Variants in JAZF1 observed in about 807,000 individuals in gnomAD.
The protein encoded by JAZF1 is JAZF zinc finger 1, also known as juxtaposed with another zinc finger protein 1.
JAZF1 carries 8 observed loss-of-function variants against 26.4 expected under a neutral mutation model. The ratio of observed to expected loss-of-function variants is 0.30; its 90% CI spans 0.18 to 0.55. The LOEUF is 0.55. Among genes scored for constraint, JAZF1 ranks in the 20% least tolerant of loss-of-function variants. JAZF1 has a pLI of 0.94. For synonymous variants in JAZF1, 126 were observed against 122.3 expected (o/e 1.03, Z -0.20); for missense variants, 199 against 322.0 (o/e 0.62, Z 2.92).
chr7:27,899,672 C>G (rs546118150), intron 2 of JAZF1, among the ~76,000 whole-genome samples: 2 of 152,110 alleles, frequency 1.3e-5, no homozygotes, highest in African/African-American at 4.8e-5. Context: ...TGGGCTCAAG[C>G]AATCCTCCCA....
intron 3 of JAZF1, among the ~76,000 whole-genome samples, chr7:27,889,075 T>C (rs1470871414): frequency 1.3e-5 from 2 of 152,158 alleles, no homozygotes; most frequent in African/African-American, 4.8e-5. Context: ...GATACTACAA[T>C]GAGATGGGCC....
At chr7:27,845,714 A>AAGAAC in intron 3 of JAZF1, among the ~76,000 whole-genome samples, 1 of 147,006 alleles carries the variant, frequency 6.8e-6, no homozygotes, top group Non-Finnish European at 1.5e-5. Flanking sequence ...AAAAAAAAAA[A>AAGAAC]GAAAAGAAAA....
chr7:28,110,514 GA>G lies in JAZF1; in HGVS notation c.115+69948del, dbSNP rs35529454. On this transcript the variant is annotated intron_variant, in intron 1 of 4. Transcript: ENST00000283928. ...AAAGGAAAGGAAAGGAAAAGGAAAG[GA>G]AAAGGAAAAGGAAAAGGAAAGGAAA... 1.0e-3 allele frequency among the ~76,000 whole-genome samples: 68 copies of G among 65,954 alleles called. 4 individuals are homozygous for G. The highest frequency in any genetic ancestry group is 4.5e-3 in the African/African-American group (58 of 12,748). 43.3% of individuals were successfully genotyped at this position (65,954 alleles called of 152,430 possible). A position where few individuals can be genotyped will look rare whatever the true frequency, so the allele number is the denominator to read the frequency against.
rs528785583 is a variant in JAZF1, at chr7:27,973,527, G to A, written c.188+18382C>T. ...TTGCCAAGGCTTGCCTCAAACTCCC[G>A]CGCTCAAGTGATCCTCCTGCCTTGG... On this transcript the variant is annotated intron_variant, in intron 2 of 4. Transcript: ENST00000283928. Among the ~76,000 whole-genome samples the A allele has an allele frequency of 2.6e-5, 4 of 152,244 alleles. No homozygotes were observed. In the South Asian group the frequency reaches 6.2e-4, roughly 24 times the overall value.
chr7:28,166,683 T>G (rs1783373275), intron 1 of JAZF1, among the ~76,000 whole-genome samples: 1 of 152,362 alleles, frequency 6.6e-6, no homozygotes, highest in Non-Finnish European at 1.5e-5. Context: ...AACATGGAAG[T>G]ATTTTTCTAA....
intron 1 of JAZF1, among the ~76,000 whole-genome samples, chr7:28,096,678 A>G (rs1388372800): frequency 1.3e-5 from 2 of 152,142 alleles, no homozygotes; most frequent in African/African-American, 4.8e-5. Context: ...CTATTTTTTA[A>G]CTTTTTCATT....
At chr7:28,139,417 T>C (rs955445280) in intron 1 of JAZF1, among the ~76,000 whole-genome samples, 1 of 152,308 alleles carries the variant, frequency 6.6e-6, no homozygotes, top group Admixed American at 6.5e-5. Context: ...TTAAGATGAG[T>C]CATTAGGATG....
chr7:28,166,599 T>C (rs973625354), intron 1 of JAZF1, among the ~76,000 whole-genome samples: 1 of 152,260 alleles, frequency 6.6e-6, no homozygotes, highest in East Asian at 1.9e-4. Flanking sequence ...TTATGTTTTC[T>C]GCTTATATAG....
At chr7:28,025,932 A>G (rs1783086345) in intron 1 of JAZF1, among the ~76,000 whole-genome samples, 1 of 152,224 alleles carries the variant, frequency 6.6e-6, no homozygotes, top group South Asian at 2.1e-4. Flanking sequence ...AGGGTAGGTT[A>G]TATGTCAATT....
intron 3 of JAZF1, among the ~76,000 whole-genome samples, chr7:27,866,455 C>G (rs942148796): frequency 2.6e-5 from 4 of 152,166 alleles, no homozygotes; most frequent in African/African-American, 9.7e-5. Flanking sequence ...CTCTCCACAC[C>G]TCCATTTCCT....
intron 3 of JAZF1, among the ~76,000 whole-genome samples, chr7:27,879,612 G>T (rs1414353957): frequency 6.6e-6 from 1 of 152,092 alleles, no homozygotes; most frequent in East Asian, 1.9e-4. Context: ...TGGAATATTA[G>T]AAAGTAACCA....
chr7:28,145,685 C>T (rs1213621734), intron 1 of JAZF1, among the ~76,000 whole-genome samples: 1 of 151,400 alleles, frequency 6.6e-6, no homozygotes, highest in Non-Finnish European at 1.5e-5. Context: ...TGGGTTCTGG[C>T]AAATGCATAT....
intron 1 of JAZF1, among the ~76,000 whole-genome samples, chr7:28,002,238 C>G (rs1462170051): frequency 6.6e-6 from 1 of 152,202 alleles, no homozygotes; most frequent in Non-Finnish European, 1.5e-5. Context: ...CAGTGGAATT[C>G]CAGCAGGGAT....
At chr7:27,838,061 A>G (rs1283693261) in intron 4 of JAZF1, among the ~76,000 whole-genome samples, 1 of 151,730 alleles carries the variant, frequency 6.6e-6, no homozygotes, top group Non-Finnish European at 1.5e-5. Flanking sequence ...CAGAGACTCA[A>G]AGCCCTTTTC....
At chr7:27,904,755 C>G (rs1784222533) in intron 2 of JAZF1, among the ~76,000 whole-genome samples, 1 of 152,128 alleles carries the variant, frequency 6.6e-6, no homozygotes, top group Admixed American at 6.5e-5. Context: ...AAAACCCACT[C>G]CATTTGATCA....
At chr7:28,011,868 C>T (rs1019928914) in intron 1 of JAZF1, among the ~76,000 whole-genome samples, 3 of 152,086 alleles carry the variant, frequency 2.0e-5, no homozygotes, top group African/African-American at 7.2e-5. Context: ...ATGTGTCTCC[C>T]CATTCCATTA....
At chr7:28,009,707 T>C (rs1782765633) in intron 1 of JAZF1, among the ~76,000 whole-genome samples, 1 of 152,074 alleles carries the variant, frequency 6.6e-6, no homozygotes, top group Admixed American at 6.5e-5. Flanking sequence ...CTGGTCTCGA[T>C]CTCCTGACCT....
intron 1 of JAZF1, among the ~76,000 whole-genome samples, chr7:28,028,464 A>G (rs1310309976): frequency 6.6e-6 from 1 of 152,218 alleles, no homozygotes; most frequent in Non-Finnish European, 1.5e-5. Flanking sequence ...TCTTGTGTCC[A>G]TTGAATCTGC....
chr7:27,874,490 G>C (rs1177905353), intron 3 of JAZF1, among the ~76,000 whole-genome samples: 1 of 151,962 alleles, frequency 6.6e-6, no homozygotes, highest in Non-Finnish European at 1.5e-5. Context: ...AGACAGCCTA[G>C]GCTCATGGGA....
Sources: gnomAD v4.1 joint callset for allele counts (sites outside exome capture counted in the v4.1 genomes callset) on GRCh38, gnomAD v4.1.1 for gene constraint, MANE v1.5 for transcripts, NCBI Gene and HGNC (gene_info 2026-07-23, HGNC 2026-07-21) for gene names.